The following TRPC7 variants were observed in gnomAD, a reference collection of about 807,000 sequenced individuals.
The protein encoded by TRPC7 is short transient receptor potential channel 7.
A neutral mutation model predicts 90.1 loss-of-function variants in TRPC7; 42 were observed. The ratio of observed to expected loss-of-function variants is 0.47; its 90% CI spans 0.36 to 0.60. The LOEUF is 0.60. Among genes scored for constraint, TRPC7 ranks in the 20% least tolerant of loss-of-function variants. The probability of loss-of-function intolerance (pLI) is 0.00; values close to 1 mark genes in which losing one functional copy is unlikely to be tolerated. For synonymous variants in TRPC7, 451 were observed against 436.3 expected, an observed-to-expected ratio of 1.03 and a Z score of -0.42; for missense variants, 955 against 1,112.3, an observed-to-expected ratio of 0.86 and a Z score of 2.01.
At chr5:136,345,762 GA>G (rs1330061351) in intron 2 of TRPC7, among the ~76,000 whole-genome samples, 1 of 152,164 alleles carries the variant, frequency 6.6e-6, no homozygotes, top group Non-Finnish European at 1.5e-5. Flanking sequence ...TTTTAGACAT[GA>G]AGTCCTTGCC....
chr5:136,215,549 G>A (rs1483500370), intron 11 of TRPC7, among the ~76,000 whole-genome samples: 2 of 152,168 alleles, frequency 1.3e-5, no homozygotes, highest in East Asian at 1.9e-4. Flanking sequence ...GGGGCCGGGC[G>A]CAGTGGCTCA....
At position 136,274,047 on chromosome 5, in the gene TRPC7, T is replaced by C. The variant is rs567393356; in HGVS notation, c.1128+626A>G. Among the ~76,000 whole-genome samples, 22 of 152,296 alleles carry C rather than the reference T, an allele frequency of 1.4e-4. No individual in the cohort carries two copies. In the South Asian group the frequency reaches 4.4e-3, roughly 30 times the overall value. On this transcript the variant is annotated intron_variant, in intron 4 of 11. Transcript: ENST00000513104. ...TAACACTCCTTTTGAGCTCTTCTTC[T>C]CTTTCCTTTGCCTTTTTCCTTCCTG... is the stretch of plus-strand genomic sequence containing the variant.
At chr5:136,240,199 A>T (rs1382649935) in intron 7 of TRPC7, among the ~76,000 whole-genome samples, 1 of 152,116 alleles carries the variant, frequency 6.6e-6, no homozygotes, top group Non-Finnish European at 1.5e-5. Context: ...CCTTCCAGTC[A>T]TCCTCCCAAA....
rs142743574 is a variant in TRPC7, at chr5:136,237,738, C to G, written c.1845-6189G>C. 8.0e-3 allele frequency among the ~76,000 whole-genome samples: 1,213 copies of G among 152,306 alleles called. 9 individuals are homozygous for G. Among genetic ancestry groups the G allele is most frequent in the Non-Finnish European group, 0.012 (831 of 68,020 alleles). Reference sequence around the variant, plus strand: ...GCTTGTGAAATGCATAAATTACTGCCTGGCACATACTAATTGCTCAATTAA... The same window carrying G: ...GCTTGTGAAATGCATAAATTACTGCGTGGCACATACTAATTGCTCAATTAA... On this transcript the variant is annotated intron_variant, in intron 7 of 11. Coordinates refer to ENST00000513104, the MANE Select transcript of TRPC7 (RefSeq NM_020389.3).
chr5:136,291,508 C>G lies in TRPC7; in HGVS notation c.964-16671G>C, dbSNP rs575801726. On this transcript the variant is annotated intron_variant, in intron 3 of 11. Transcript: ENST00000513104. ...ATTGCAATCCTAGTCTCTGATAAAA[C>G]AGACTTTAAACCAACAAAGATCAAA... 7.9e-5 allele frequency among the ~76,000 whole-genome samples: 12 copies of G among 152,296 alleles called. No homozygotes were observed. The South Asian group carries it at 8.3e-4, about 11-fold the overall frequency.
Position 136,357,184 on chromosome 5 carries a change from G to T in TRPC7, c.204C>A (p.Thr68=). The T allele has an allele frequency of 1.2e-6, 2 of 1,613,948 alleles. No homozygotes were observed. Among genetic ancestry groups the T allele is most frequent in the Non-Finnish European group, 1.7e-6 (2 of 1,179,968 alleles). The change falls in exon 2 of 12, where the codon ACC becomes ACA. Residue 68 remains threonine, a synonymous_variant. Transcript: ENST00000513104. ...VVRKMLEESK[T]LNFNCVDYMG... ...TGTAGTCCACACAGTTGAAGTTAAG[G>T]GTCTTGGACTCCTCCAGCATTTTCC...
chr5:136,245,410 A>C (rs1756305749), intron 7 of TRPC7, among the ~76,000 whole-genome samples: 1 of 152,190 alleles, frequency 6.6e-6, no homozygotes. Context: ...ATTCTGAGCT[A>C]AGTGGCACAG....
chr5:136,223,083 CT>C (rs989590230), intron 10 of TRPC7, among the ~76,000 whole-genome samples: 2 of 152,362 alleles, frequency 1.3e-5, no homozygotes, highest in African/African-American at 4.8e-5. Flanking sequence ...CTGATGCCTA[CT>C]GGCTGGCTTT....
chr5:136,220,453 G>A (rs1755416864), intron 10 of TRPC7, among the ~76,000 whole-genome samples: 2 of 152,176 alleles, frequency 1.3e-5, no homozygotes, highest in South Asian at 2.1e-4. Context: ...TTATGAGGTT[G>A]AGATAAGAAC....
chr5:136,285,885 C>A (rs150348358), intron 3 of TRPC7, among the ~76,000 whole-genome samples: 2 of 152,170 alleles, frequency 1.3e-5, no homozygotes, highest in African/African-American at 2.4e-5. Context: ...CCTTGACAAC[C>A]CTGCCCAAAG....
At position 136,222,772 on chromosome 5, in the gene TRPC7, G is replaced by A. The variant is rs371369771; in HGVS notation, c.2343+2502C>T. On this transcript the variant is annotated intron_variant, in intron 10 of 11. Coordinates refer to ENST00000513104, the MANE Select transcript of TRPC7 (RefSeq NM_020389.3). Reference sequence around the variant, plus strand: ...TAGGCAGGTGTCCAGGCAGCATGACGTGGTGAGAGAGGGGGGGCCCTCTGA... The same window carrying A: ...TAGGCAGGTGTCCAGGCAGCATGACATGGTGAGAGAGGGGGGGCCCTCTGA... 5.9e-5 allele frequency among the ~76,000 whole-genome samples: 9 copies of A among 152,354 alleles called. No homozygotes were observed. The East Asian group carries it at 1.2e-3, about 20-fold the overall frequency.
intron 1 of TRPC7, among the ~76,000 whole-genome samples, chr5:136,361,088 G>T (rs1417004043): frequency 6.6e-6 from 1 of 152,150 alleles, no homozygotes; most frequent in Non-Finnish European, 1.5e-5. Context: ...TTACACTCAT[G>T]AATCAGATGT....
chr5:136,276,902 G>A (rs982370506), intron 3 of TRPC7, among the ~76,000 whole-genome samples: 1 of 152,224 alleles, frequency 6.6e-6, no homozygotes, highest in African/African-American at 2.4e-5. Context: ...AGTCACTTTT[G>A]TTTTTCAACT....
chr5:136,311,584 T>C (rs144887660), intron 3 of TRPC7, among the ~76,000 whole-genome samples: 168 of 152,344 alleles, frequency 1.1e-3, no homozygotes, highest in African/African-American at 3.7e-3. Flanking sequence ...TAGTTAGGCA[T>C]GATTCCCAGA....
chr5:136,285,176 C>G (rs1411413717), intron 3 of TRPC7, among the ~76,000 whole-genome samples: 1 of 152,098 alleles, frequency 6.6e-6, no homozygotes. Flanking sequence ...AAGATGAAGA[C>G]TAAACATGAC....
At chr5:136,343,691 T>A (rs896522709) in intron 2 of TRPC7, among the ~76,000 whole-genome samples, 1 of 152,176 alleles carries the variant, frequency 6.6e-6, no homozygotes, top group Non-Finnish European at 1.5e-5. Context: ...TAAATTTATG[T>A]TTTTCTCTTG....
At chr5:136,305,902 C>T (rs1300154358) in intron 3 of TRPC7, among the ~76,000 whole-genome samples, 1 of 152,222 alleles carries the variant, frequency 6.6e-6, no homozygotes, top group East Asian at 1.9e-4. Flanking sequence ...TTACCACTTT[C>T]CCTTCTCAGA....
At position 136,222,108 on chromosome 5, in the gene TRPC7, A is replaced by G. The variant is rs115037547; in HGVS notation, c.2343+3166T>C. 1.4e-3 allele frequency: 220 copies of G among 152,246 alleles called. 1 individual carries two copies. Among genetic ancestry groups the G allele is most frequent in the African/African-American group, 4.8e-3 (199 of 41,542 alleles). The allele number at this position is 152,246 out of a possible 1,614,324, so 9.4% of individuals were successfully genotyped here. ...GAGCCCAGACTGAAAAACACATTAA[A>G]AAAATGGTTTTGTGAAAAATAACAA... is the stretch of plus-strand genomic sequence containing the variant. On this transcript the variant is annotated intron_variant, in intron 10 of 11. Transcript: ENST00000513104.
At chr5:136,362,377 C>T (rs980116578) in intron 1 of TRPC7, among the ~76,000 whole-genome samples, 8 of 151,940 alleles carry the variant, frequency 5.3e-5, no homozygotes, top group Admixed American at 4.6e-4. Context: ...ATTATAGATA[C>T]TCAACACAAT....
Sources: gnomAD v4.1 joint callset for allele counts (sites outside exome capture counted in the v4.1 genomes callset) on GRCh38, gnomAD v4.1.1 for gene constraint, MANE v1.5 for transcripts, NCBI Gene and HGNC (gene_info 2026-07-23, HGNC 2026-07-21) for gene names.